Variants in SAMD13 observed in about 807,000 individuals in gnomAD.
The protein encoded by SAMD13 is sterile alpha motif domain containing 13.
A neutral mutation model predicts 12.4 loss-of-function variants in SAMD13; 9 were observed. That is an observed-to-expected ratio of 0.72 (90% CI 0.44 to 1.26). The LOEUF (loss-of-function observed/expected upper bound fraction) is 1.26, where lower values mean the gene tolerates loss of function less well. Among genes scored for constraint, SAMD13 ranks in the 50% most tolerant of loss-of-function variants. SAMD13 has a pLI of 0.00. For missense variants in SAMD13, 84 were observed against 119.6 expected, an observed-to-expected ratio of 0.70 and a Z score of 1.39; for synonymous variants, 46 against 45.4, an observed-to-expected ratio of 1.01 and a Z score of -0.05.
At chr1:84,304,037 C>T (rs1047852604) in intron 2 of SAMD13, 4 of 152,048 alleles carry the variant, frequency 2.6e-5, no homozygotes, top group Non-Finnish European at 5.9e-5. Flanking sequence ...CTTTCCATAT[C>T]ATTTAGTTTA....
chr1:84,327,840 G>A (rs1021412868), intron 3 of SAMD13, among the ~76,000 whole-genome samples: 1 of 152,144 alleles, frequency 6.6e-6, no homozygotes, highest in South Asian at 2.1e-4. Context: ...ACTCTGATGA[G>A]TTTTCTTTAT....
Position 84,346,989 on chromosome 1 carries a change from C to A in SAMD13, c.166-2642C>A, listed in dbSNP as rs111515645. 3.4e-3 allele frequency among the ~76,000 whole-genome samples: 519 copies of A among 152,294 alleles called. 1 individual carries two copies. Among genetic ancestry groups the A allele is most frequent in the Middle Eastern group, 6.8e-3 (2 of 294 alleles). The stretch of plus-strand genomic sequence containing the variant: ...TTTCCACTTAGTAGTCATTGAGAAC[C>A]TCCTACATGTCAGGCACTGTGTGCG... On this transcript the variant is annotated intron_variant, in intron 3 of 3. Transcript: ENST00000394834.
At chr1:84,328,877 C>T (rs550642860) in intron 3 of SAMD13, among the ~76,000 whole-genome samples, 1 of 152,282 alleles carries the variant, frequency 6.6e-6, no homozygotes, top group Non-Finnish European at 1.5e-5. Context: ...TGCCCTTCCA[C>T]TTGACAGAAG....
intron 3 of SAMD13, among the ~76,000 whole-genome samples, chr1:84,341,710 G>A (rs938619128): frequency 6.6e-6 from 1 of 152,102 alleles, no homozygotes; most frequent in Non-Finnish European, 1.5e-5. Context: ...AGAAAGTGGA[G>A]TTGACATAAA....
chr1:84,309,190 A>G (rs1678653205), intron 2 of SAMD13, among the ~76,000 whole-genome samples: 1 of 152,288 alleles, frequency 6.6e-6, no homozygotes, highest in South Asian at 2.1e-4. Context: ...TGAAGTTTGA[A>G]CCTGGCTCTT....
chr1:84,326,088 A>G (rs1476791948), intron 3 of SAMD13, among the ~76,000 whole-genome samples: 1 of 152,198 alleles, frequency 6.6e-6, no homozygotes, highest in East Asian at 1.9e-4. Flanking sequence ...CAGAAAAGAA[A>G]GGAAAAGCAG....
In SAMD13 at chr1:84,303,307, G is replaced by A; in HGVS notation, c.53+20G>A. On this transcript the variant is annotated intron_variant, in intron 2 of 3. Transcript: ENST00000394834. ...AAAAAAGTAAGTGAAGCTGGCTTCT[G>A]AGTTCTGCTTCTGCAAACAACAGAG... 6.3e-7 allele frequency: 1 copy of A among 1,593,520 alleles called. No homozygotes were observed. The highest frequency in any genetic ancestry group is 8.6e-7 in the Non-Finnish European group (1 of 1,161,926).
intron 3 of SAMD13, among the ~76,000 whole-genome samples, chr1:84,345,425 G>A (rs1679514879): frequency 6.6e-6 from 1 of 152,170 alleles, no homozygotes; most frequent in South Asian, 2.1e-4. Context: ...TTTCACAGAG[G>A]AGGGGAATGT....
upstream of SAMD13, chr1:84,299,673 A>ATATATATT (rs756472323): frequency 1.5e-3 from 1,390 of 900,300 alleles, 2 homozygotes; most frequent in African/African-American, 0.012. Context: ...ATATATATAT[A>ATATATATT]TATTTATTTA....
At chr1:84,328,896 G>A (rs1033383221) in intron 3 of SAMD13, among the ~76,000 whole-genome samples, 4 of 152,134 alleles carry the variant, frequency 2.6e-5, no homozygotes, top group Admixed American at 6.5e-5. Flanking sequence ...AGCAGGACAG[G>A]GATGGAGAGC....
intron 3 of SAMD13, among the ~76,000 whole-genome samples, chr1:84,346,866 G>A (rs1347700134): frequency 6.6e-6 from 1 of 152,182 alleles, no homozygotes; most frequent in Non-Finnish European, 1.5e-5. Context: ...ATAGGAACAT[G>A]CCTACATCTT....
intron 3 of SAMD13, among the ~76,000 whole-genome samples, chr1:84,334,655 G>A (rs1012239324): frequency 3.3e-5 from 5 of 151,938 alleles, no homozygotes; most frequent in Admixed American, 1.3e-4. Context: ...TGTTAGGTTG[G>A]TTAATTTGAG....
intron 2 of SAMD13, among the ~76,000 whole-genome samples, chr1:84,310,049 C>T (rs959141938): frequency 1.3e-5 from 2 of 152,114 alleles, no homozygotes; most frequent in Admixed American, 6.5e-5. Context: ...ATATATGTAT[C>T]AGTCAGTGCT....
chr1:84,345,300 A>G (rs1397309111), intron 3 of SAMD13: 1 of 441,650 alleles, frequency 2.3e-6, no homozygotes, highest in Non-Finnish European at 4.5e-6. Flanking sequence ...GTGTTCTTTA[A>G]CAGGGAGATT....
chr1:84,311,811 G>A (rs889743354), intron 2 of SAMD13, among the ~76,000 whole-genome samples: 1 of 152,154 alleles, frequency 6.6e-6, no homozygotes, highest in Non-Finnish European at 1.5e-5. Context: ...AGAGATAAAA[G>A]ATTTGAAAAT....
At chr1:84,332,203 A>T (rs953521349) in intron 3 of SAMD13, among the ~76,000 whole-genome samples, 8 of 152,192 alleles carry the variant, frequency 5.3e-5, no homozygotes, top group African/African-American at 1.9e-4. Flanking sequence ...ATACAGGTGC[A>T]TGTGTCTTTA....
intron 3 of SAMD13, chr1:84,344,600 A>C: frequency 3.3e-6 from 1 of 299,246 alleles, no homozygotes; most frequent in South Asian, 3.3e-5. Flanking sequence ...ATAGTTCACC[A>C]TCTTCCTTTC....
intron 2 of SAMD13, among the ~76,000 whole-genome samples, chr1:84,310,062 C>A (rs571037509): frequency 3.5e-4 from 54 of 152,118 alleles, no homozygotes; most frequent in African/African-American, 1.3e-3. Flanking sequence ...TCAGTGCTGT[C>A]CAACAGAAAT....
Position 84,349,627 on chromosome 1 carries a change from A to G in SAMD13, c.166-4A>G. 1.2e-6 allele frequency: 2 copies of G among 1,612,738 alleles called. No homozygotes were observed. Among genetic ancestry groups the G allele is most frequent in the Non-Finnish European group, 1.7e-6 (2 of 1,179,236 alleles). On this transcript the variant is annotated splice_polypyrimidine_tract_variant and splice_region_variant and intron_variant, in intron 3 of 3. Transcript: ENST00000394834. ...GTTGGCTTTACCTTCTGCTTCCATT[A>G]TAGGAAATTGATGGAAAATCCCTGC...
Sources: gnomAD v4.1 joint callset for allele counts (sites outside exome capture counted in the v4.1 genomes callset) on GRCh38, gnomAD v4.1.1 for gene constraint, MANE v1.5 for transcripts, NCBI Gene and HGNC (gene_info 2026-07-23, HGNC 2026-07-21) for gene names.